Variants in CSMD1 observed in about 807,000 individuals in gnomAD.
CSMD1 encodes CUB and Sushi multiple domains 1.
Under a neutral mutation model 417.5 loss-of-function variants are expected in CSMD1, and 213 were observed. The ratio of observed to expected loss-of-function variants is 0.51; its 90% CI spans 0.46 to 0.57. The LOEUF is 0.57. CSMD1 is among the 20% of genes least tolerant of loss of function. The pLI is 0.00. For synonymous variants in CSMD1, 2,862 were observed against 1,736.8 expected, an observed-to-expected ratio of 1.65 and a Z score of -16.11; for missense variants, 6,923 against 4,529.7, an observed-to-expected ratio of 1.53 and a Z score of -15.17.
intron 3 of CSMD1, among the ~76,000 whole-genome samples, chr8:4,156,865 C>G (rs2131077355): frequency 6.6e-6 from 1 of 152,276 alleles, no homozygotes; most frequent in East Asian, 1.9e-4. Flanking sequence ...TTTATCTGAG[C>G]TTAAGTCTCC....
intron 2 of CSMD1, among the ~76,000 whole-genome samples, chr8:4,619,608 C>G (rs187634634): frequency 2.1e-3 from 320 of 152,252 alleles, no homozygotes; most frequent in African/African-American, 6.5e-3. Flanking sequence ...ATTTTCCACT[C>G]TATCCGTCTG....
intron 3 of CSMD1, among the ~76,000 whole-genome samples, chr8:4,165,768 G>C (rs541932576): frequency 1.3e-5 from 2 of 152,278 alleles, no homozygotes; most frequent in Admixed American, 1.3e-4. Flanking sequence ...GTCATGCCAT[G>C]AGGTGTTAGC....
chr8:3,982,051 A>G lies in CSMD1; in HGVS notation c.818+15852T>C, dbSNP rs1813912001. Among the ~76,000 whole-genome samples, 2 of 151,782 alleles carry G rather than the reference A, an allele frequency of 1.3e-5. 1 individual carries two copies. The highest frequency in any genetic ancestry group is 4.2e-4 in the South Asian group (2 of 4,806). On this transcript the variant is annotated intron_variant, in intron 5 of 69. Transcript: ENST00000635120. Reference sequence around the variant, plus strand: ...CCTGGCGCGGTGACGGTCGCCTGTAATCCCAGCTACGCAGGAGAATGGGGT... The same window carrying G: ...CCTGGCGCGGTGACGGTCGCCTGTAGTCCCAGCTACGCAGGAGAATGGGGT...
chr8:4,448,417 T>A (rs1034968010), intron 2 of CSMD1, among the ~76,000 whole-genome samples: 1 of 152,208 alleles, frequency 6.6e-6, no homozygotes, highest in Non-Finnish European at 1.5e-5. Flanking sequence ...CTGTGTGCCC[T>A]GATGCAGATT....
chr8:4,051,782 AG>A, intron 3 of CSMD1, among the ~76,000 whole-genome samples: 1 of 152,328 alleles, frequency 6.6e-6, no homozygotes, highest in South Asian at 2.1e-4. Context: ...CCAGTGTCCC[AG>A]GTGTGATGGA....
At chr8:3,558,574 A>G (rs1204154110) in intron 10 of CSMD1, among the ~76,000 whole-genome samples, 14 of 143,742 alleles carry the variant, frequency 9.7e-5, no homozygotes, top group South Asian at 2.2e-4. Flanking sequence ...CACTCCTGCA[A>G]TGATGAATGG....
intron 20 of CSMD1, among the ~76,000 whole-genome samples, chr8:3,363,728 T>G (rs369660756): frequency 1.3e-5 from 2 of 152,128 alleles, no homozygotes; most frequent in Admixed American, 1.3e-4. Context: ...TGGCACAAAG[T>G]GGTCCAACTT....
chr8:3,760,657 AT>A (rs1287946892), intron 5 of CSMD1, among the ~76,000 whole-genome samples: 1 of 152,194 alleles, frequency 6.6e-6, no homozygotes, highest in Non-Finnish European at 1.5e-5. Flanking sequence ...TATGGGGATA[AT>A]TTTCTAAAAT....
intron 7 of CSMD1, among the ~76,000 whole-genome samples, chr8:3,655,141 G>A (rs1296740895): frequency 6.6e-6 from 1 of 152,128 alleles, no homozygotes; most frequent in Admixed American, 6.5e-5. Flanking sequence ...TAGCTATAGA[G>A]CTAAATCTCT....
intron 1 of CSMD1, among the ~76,000 whole-genome samples, chr8:4,662,929 A>G (rs1166354860): frequency 2.0e-5 from 3 of 152,238 alleles, no homozygotes; most frequent in Non-Finnish European, 4.4e-5. Flanking sequence ...GAAAAAGGAA[A>G]GAAAGGCTAA....
At position 3,926,088 on chromosome 8, in the gene CSMD1, C is replaced by T. The variant is rs1199864472; in HGVS notation, c.818+71815G>A. On this transcript the variant is annotated intron_variant, in intron 5 of 69. Transcript: ENST00000635120. ...CACACACACACAAACACCATACACA[C>T]ACACACACACACACACACACACACA... Among the ~76,000 whole-genome samples the T allele has an allele frequency of 2.9e-4, 9 of 31,238 alleles. No individual in the cohort carries two copies. The African/African-American group carries it at 3.3e-3, about 11-fold the overall frequency. The allele number at this position is 31,238 out of a possible 152,430, so 20.5% of individuals were successfully genotyped here. A position where few individuals can be genotyped will look rare whatever the true frequency, so the allele number is the denominator to read the frequency against.
chr8:4,025,229 G>A (rs956352690), intron 4 of CSMD1, among the ~76,000 whole-genome samples: 2 of 152,160 alleles, frequency 1.3e-5, no homozygotes, highest in Admixed American at 6.5e-5. Flanking sequence ...CATGGAGGAG[G>A]ATTTTCTAAA....
rs77431596 is a variant in CSMD1, at chr8:3,360,350, A to G, written c.3116-1010T>C. Among the ~76,000 whole-genome samples the G allele has an allele frequency of 7.7e-3, 1,165 of 152,214 alleles. 16 individuals carry two copies. The highest frequency in any genetic ancestry group is 0.026 in the African/African-American group (1,092 of 41,526). Reference sequence around the variant, plus strand: ...GTGTTTGCCACGTTCTTTACAGCCAACTCCTTCTGATCTCCGTAGTATGTA... The same window carrying G: ...GTGTTTGCCACGTTCTTTACAGCCAGCTCCTTCTGATCTCCGTAGTATGTA... On this transcript the variant is annotated intron_variant, in intron 20 of 69. Transcript: ENST00000635120.
intron 36 of CSMD1, among the ~76,000 whole-genome samples, chr8:3,186,103 A>G (rs2129049405): frequency 6.7e-6 from 1 of 148,788 alleles, no homozygotes; most frequent in South Asian, 2.1e-4. Flanking sequence ...AATGCTGTCT[A>G]TTTACCAAAT....
At chr8:3,677,783 A>G (rs1360903341) in intron 7 of CSMD1, among the ~76,000 whole-genome samples, 1 of 152,196 alleles carries the variant, frequency 6.6e-6, no homozygotes, top group African/African-American at 2.4e-5. Context: ...TCCAGAGTAT[A>G]TGTGCAATTT....
At chr8:3,773,800 C>T (rs1384858216) in intron 5 of CSMD1, among the ~76,000 whole-genome samples, 2 of 152,078 alleles carry the variant, frequency 1.3e-5, no homozygotes, top group Admixed American at 6.5e-5. Context: ...AGTGGCAGGC[C>T]CATCTACATG....
chr8:3,616,595 T>C (rs1174024575), intron 8 of CSMD1, 115 bp downstream of exon 8: 2 of 676,312 alleles, frequency 3.0e-6, no homozygotes, highest in Non-Finnish European at 5.1e-6. Context: ...GAGTTAATGA[T>C]TAAGAAGTTT....
At chr8:3,692,399 G>A (rs954007201) in intron 7 of CSMD1, among the ~76,000 whole-genome samples, 1 of 151,956 alleles carries the variant, frequency 6.6e-6, no homozygotes, top group Admixed American at 6.6e-5. Context: ...CACTTCTAAC[G>A]TGCCTCCTTC....
chr8:4,899,104 T>G (rs1438605679), intron 1 of CSMD1, among the ~76,000 whole-genome samples: 1 of 152,208 alleles, frequency 6.6e-6, no homozygotes, highest in Non-Finnish European at 1.5e-5. Context: ...GTTACATAAA[T>G]CTGAAATGGT....
Sources: allele counts gnomAD v4.1 joint callset (sites outside exome capture counted in the v4.1 genomes callset), GRCh38; gene constraint gnomAD v4.1.1; transcripts MANE v1.5; gene names NCBI Gene and HGNC (gene_info 2026-07-23, HGNC 2026-07-21).